HTR2C: variants seen among roughly 807,000 people sequenced by gnomAD.
The protein encoded by HTR2C is 5-hydroxytryptamine (serotonin) receptor 2C, G protein-coupled.
In HTR2C, 5 loss-of-function variants were observed where a neutral mutation model predicts 21.0. That is an observed-to-expected ratio of 0.24 (90% CI 0.12 to 0.50). The LOEUF (loss-of-function observed/expected upper bound fraction) is 0.50, where lower values mean the gene tolerates loss of function less well. Among genes scored for constraint, HTR2C ranks in the 20% least tolerant of loss-of-function variants. The probability of loss-of-function intolerance (pLI) is 0.98; values close to 1 mark genes in which losing one functional copy is unlikely to be tolerated. For synonymous variants in HTR2C, 150 were observed against 145.3 expected (o/e 1.03, Z -0.23); for missense variants, 271 against 371.2 (o/e 0.73, Z 2.22).
chrX:114,741,183 G>T (rs2069641298), intron 4 of HTR2C, among the ~76,000 whole-genome samples: 1 of 109,879 alleles, frequency 9.1e-6, no homozygotes, highest in Admixed American at 9.8e-5. Context: ...GAAACTCCTT[G>T]GGGAAATAGT....
At chrX:114,825,479 C>T (rs1214215983) in intron 4 of HTR2C, among the ~76,000 whole-genome samples, 1 of 111,956 alleles carries the variant, frequency 8.9e-6, no homozygotes, top group African/African-American at 3.2e-5. Context: ...TCAGACAACA[C>T]ACGTTGTTTG....
intron 2 of HTR2C, among the ~76,000 whole-genome samples, chrX:114,679,126 C>G (rs1556413189): frequency 9.0e-6 from 1 of 111,471 alleles, no homozygotes; most frequent in Non-Finnish European, 1.9e-5. Context: ...AATTAAGCCC[C>G]TCCTGTGGGC....
intron 4 of HTR2C, among the ~76,000 whole-genome samples, chrX:114,844,182 A>G (rs1556466578): frequency 8.9e-6 from 1 of 112,111 alleles, no homozygotes; most frequent in Admixed American, 9.5e-5. Context: ...ATAAATCTAT[A>G]TTAATGAGCA....
chrX:114,741,819 A>G (rs1556425377), intron 4 of HTR2C, among the ~76,000 whole-genome samples: 1 of 109,979 alleles, frequency 9.1e-6, no homozygotes, highest in Non-Finnish European at 1.9e-5. Flanking sequence ...AAAAATAAAC[A>G]AAAACAGATT....
chrX:114,662,556 G>A (rs1240586008), intron 2 of HTR2C, among the ~76,000 whole-genome samples: 1 of 111,197 alleles, frequency 9.0e-6, no homozygotes, highest in Non-Finnish European at 1.9e-5. Flanking sequence ...TATCCTCTAG[G>A]TATTTGCACA....
At chrX:114,604,518 T>C (rs1475986586) in intron 1 of HTR2C, among the ~76,000 whole-genome samples, 2 of 109,771 alleles carry the variant, frequency 1.8e-5, no homozygotes, top group East Asian at 2.9e-4. Flanking sequence ...GCTCGGCATC[T>C]GTGATGGTCT....
chrX:114,647,495 T>C (rs1466022181), intron 2 of HTR2C, among the ~76,000 whole-genome samples: 1 of 112,115 alleles, frequency 8.9e-6, no homozygotes, highest in Non-Finnish European at 1.9e-5. Flanking sequence ...TTCAAATATG[T>C]ATAGGTAGTT....
At chrX:114,892,614 C>T (rs1478928264) in intron 5 of HTR2C, among the ~76,000 whole-genome samples, 1 of 110,603 alleles carries the variant, frequency 9.0e-6, no homozygotes, top group East Asian at 2.8e-4. Context: ...ATGGTATTTC[C>T]ATATACTCAC....
intron 5 of HTR2C, among the ~76,000 whole-genome samples, chrX:114,881,413 T>C (rs935614313): frequency 1.4e-4 from 16 of 110,426 alleles, no homozygotes; most frequent in Middle Eastern, 9.3e-3. Flanking sequence ...TTGTCATAGC[T>C]GGAGTCATGA....
chrX:114,895,628 T>C (rs2071290680), intron 5 of HTR2C, among the ~76,000 whole-genome samples: 2 of 111,927 alleles, frequency 1.8e-5, no homozygotes, highest in African/African-American at 6.5e-5. Flanking sequence ...AGTTTCTTAC[T>C]GCAGAAACTT....
intron 2 of HTR2C, among the ~76,000 whole-genome samples, chrX:114,638,973 G>A (rs782107112): frequency 3.4e-3 from 373 of 110,561 alleles, no homozygotes; most frequent in African/African-American, 0.011. Context: ...GAATAATGCC[G>A]CAATAAACAT....
chrX:114,757,922 T>C (rs987033529), intron 4 of HTR2C, among the ~76,000 whole-genome samples: 2 of 111,383 alleles, frequency 1.8e-5, no homozygotes, highest in Non-Finnish European at 3.8e-5. Flanking sequence ...TTCTCCACCT[T>C]GTAAGGTTAG....
intron 4 of HTR2C, among the ~76,000 whole-genome samples, chrX:114,769,064 CA>C (rs1212742195): frequency 1.8e-5 from 2 of 109,607 alleles, no homozygotes; most frequent in Non-Finnish European, 3.8e-5. Context: ...TAACAGTACA[CA>C]AAGGTGATAG....
intron 5 of HTR2C, among the ~76,000 whole-genome samples, chrX:114,853,858 G>C (rs1556470032): frequency 1.8e-5 from 2 of 111,291 alleles, no homozygotes; most frequent in East Asian, 5.6e-4. Context: ...AACTTGCCTT[G>C]TTCTATTCTA....
In HTR2C at chrX:114,630,711, G is replaced by C. The variant is rs1929576333; in HGVS notation, c.-80+16830G>C. ...GAGTGAATGAAGCAATGGGTTCTGA[G>C]ATGTTTCTGGTCACCTACCCACTCC... On this transcript the variant is annotated intron_variant, in intron 2 of 5. Coordinates refer to ENST00000276198, the MANE Select transcript of HTR2C (RefSeq NM_000868.4). 2.0e-5 allele frequency: 4 copies of C among 196,443 alleles called. No individual in the cohort carries two copies. The Admixed American group carries it at 2.1e-4, about 10-fold the overall frequency. The allele number at this position is 196,443 out of a possible 1,213,427, so 16.2% of individuals were successfully genotyped here. A position where few individuals can be genotyped will look rare whatever the true frequency, so the allele number is the denominator to read the frequency against.
chrX:114,694,468 TATATATATATATATATATATATATAC>T (rs1932207820), intron 2 of HTR2C, among the ~76,000 whole-genome samples: 1 of 3,636 alleles, frequency 2.8e-4, no homozygotes, highest in South Asian at 0.025. Flanking sequence ...TATATATATA[TATATATATATATATATATATATATAC>T]ACACACAGAT....
intron 3 of HTR2C, 24 bp from the exon 4 acceptor site, chrX:114,731,269 TG>T (rs782481250): frequency 2.1e-5 from 22 of 1,059,155 alleles, no homozygotes; most frequent in African/African-American, 9.6e-5. Flanking sequence ...TGTACCTGAT[TG>T]TTTTTTTTTT....
intron 5 of HTR2C, among the ~76,000 whole-genome samples, chrX:114,862,383 A>G (rs1045476054): frequency 1.4e-4 from 15 of 110,447 alleles, no homozygotes; most frequent in Non-Finnish European, 2.5e-4. Context: ...TGATTACTAT[A>G]GTTTTGTAAT....
intron 2 of HTR2C, among the ~76,000 whole-genome samples, chrX:114,673,543 G>C (rs1931454735): frequency 1.8e-5 from 2 of 111,287 alleles, no homozygotes; most frequent in Middle Eastern, 4.3e-3. Flanking sequence ...TTTGGCATTT[G>C]ATATTCTTAA....
Sources: gnomAD v4.1 joint callset for allele counts (sites outside exome capture counted in the v4.1 genomes callset) on GRCh38, gnomAD v4.1.1 for gene constraint, MANE v1.5 for transcripts, NCBI Gene and HGNC (gene_info 2026-07-23, HGNC 2026-07-21) for gene names.